GAB2: variants seen among roughly 807,000 people sequenced by gnomAD.
GAB2 encodes GRB2 associated binding protein 2.
A neutral mutation model predicts 65.5 loss-of-function variants in GAB2; 26 were observed. That is an observed-to-expected ratio of 0.40 (90% CI 0.29 to 0.55). GAB2 has a LOEUF of 0.55. GAB2 is among the 20% of genes least tolerant of loss of function. The pLI, the probability that GAB2 is intolerant of heterozygous loss-of-function variation, is 0.53. For synonymous variants in GAB2, 321 were observed against 329.6 expected, an observed-to-expected ratio of 0.97 and a Z score of 0.28; for missense variants, 884 against 875.8, an observed-to-expected ratio of 1.01 and a Z score of -0.12.
At chr11:78,242,524 A>T (rs1045995309) in intron 3 of GAB2, among the ~76,000 whole-genome samples, 2 of 152,058 alleles carry the variant, frequency 1.3e-5, no homozygotes, top group African/African-American at 4.8e-5. Flanking sequence ...AAAGAAAAAG[A>T]ATGAAATTTA....
At chr11:78,275,349 A>G (rs940255413) in intron 2 of GAB2, among the ~76,000 whole-genome samples, 7 of 152,218 alleles carry the variant, frequency 4.6e-5, no homozygotes, top group Non-Finnish European at 7.3e-5. Flanking sequence ...TAAAGGTGAT[A>G]AAGTGATTAA....
chr11:78,245,696 A>C (rs962156499), intron 3 of GAB2, among the ~76,000 whole-genome samples: 6 of 152,214 alleles, frequency 3.9e-5, no homozygotes, highest in Non-Finnish European at 8.8e-5. Context: ...ACGGAAAAAT[A>C]ATCTTTCACA....
intron 1 of GAB2, among the ~76,000 whole-genome samples, chr11:78,334,816 C>A (rs1377124363): frequency 6.6e-6 from 1 of 152,146 alleles, no homozygotes; most frequent in East Asian, 1.9e-4. Context: ...TTTTGAGGAG[C>A]CTCCAAACTG....
chr11:78,329,721 A>T (rs1565162019), intron 1 of GAB2, among the ~76,000 whole-genome samples: 1 of 152,224 alleles, frequency 6.6e-6, no homozygotes, highest in Non-Finnish European at 1.5e-5. Flanking sequence ...GGAAGGTGTT[A>T]TAACTAGAAA....
chr11:78,305,485 G>A (rs1344249981), intron 1 of GAB2, among the ~76,000 whole-genome samples: 1 of 152,188 alleles, frequency 6.6e-6, no homozygotes, highest in Non-Finnish European at 1.5e-5. Flanking sequence ...GGCACAGGGA[G>A]GCTCCAGGTG....
At chr11:78,331,965 G>A (rs1238970632) in intron 1 of GAB2, among the ~76,000 whole-genome samples, 1 of 152,166 alleles carries the variant, frequency 6.6e-6, no homozygotes, top group Non-Finnish European at 1.5e-5. Context: ...ACACACAAAA[G>A]GGCATTTGTG....
chr11:78,334,591 T>C (rs1168549956), intron 1 of GAB2, among the ~76,000 whole-genome samples: 1 of 152,250 alleles, frequency 6.6e-6, no homozygotes, highest in Admixed American at 6.5e-5. Context: ...GAGGATCTCA[T>C]TCTTTTTATG....
chr11:78,407,732 A>AAGAAAG (rs1170590762), intron 1 of GAB2, among the ~76,000 whole-genome samples: 2 of 151,382 alleles, frequency 1.3e-5, no homozygotes, highest in Admixed American at 1.3e-4. Context: ...AAAAGAAAGA[A>AAGAAAG]AGAAAGAAAG....
intron 1 of GAB2, among the ~76,000 whole-genome samples, chr11:78,397,404 G>T (rs566717711): frequency 6.6e-6 from 1 of 152,312 alleles, no homozygotes; most frequent in African/African-American, 2.4e-5. Context: ...ACCATTTTAG[G>T]GGAAGCACAG....
intron 1 of GAB2, among the ~76,000 whole-genome samples, chr11:78,326,086 T>C (rs1480393133): frequency 6.6e-6 from 1 of 152,216 alleles, no homozygotes; most frequent in East Asian, 1.9e-4. Context: ...ATATATACAA[T>C]GTCTTCCCCC....
At chr11:78,360,951 G>C (rs978064688) in intron 1 of GAB2, among the ~76,000 whole-genome samples, 2 of 152,084 alleles carry the variant, frequency 1.3e-5, no homozygotes, top group Admixed American at 6.6e-5. Context: ...AGAAAAACAA[G>C]AATAGCAGAG....
chr11:78,414,082 T>C (rs1857162402), intron 1 of GAB2, among the ~76,000 whole-genome samples: 1 of 126,208 alleles, frequency 7.9e-6, no homozygotes, highest in East Asian at 2.0e-4. Flanking sequence ...AGTGAAACTC[T>C]GTCTCAAAAA....
At chr11:78,404,446 A>ATG (rs1363670181) in intron 1 of GAB2, among the ~76,000 whole-genome samples, 1 of 152,168 alleles carries the variant, frequency 6.6e-6, no homozygotes, top group African/African-American at 2.4e-5. Flanking sequence ...ACTCAGGAGG[A>ATG]TGAGGTGGCA....
chr11:78,377,943 T>C (rs994117383), intron 1 of GAB2, among the ~76,000 whole-genome samples: 1 of 152,144 alleles, frequency 6.6e-6, no homozygotes, highest in African/African-American at 2.4e-5. Context: ...ATGGAGGAAA[T>C]TGCTTTCCAC....
intron 1 of GAB2, among the ~76,000 whole-genome samples, chr11:78,402,347 A>C (rs2135082093): frequency 6.6e-6 from 1 of 152,170 alleles, no homozygotes; most frequent in Middle Eastern, 3.4e-3. Context: ...GCAGTCCCAG[A>C]ACTTGGGCAC....
intron 1 of GAB2, among the ~76,000 whole-genome samples, chr11:78,367,312 T>C (rs1336751389): frequency 1.3e-5 from 2 of 152,204 alleles, no homozygotes; most frequent in Admixed American, 6.5e-5. Context: ...GCATATGGTC[T>C]GGAAGTGTAA....
chr11:78,234,470 TC>T (rs1274861905), intron 3 of GAB2, among the ~76,000 whole-genome samples: 1 of 151,988 alleles, frequency 6.6e-6, no homozygotes, highest in Non-Finnish European at 1.5e-5. Flanking sequence ...GGGTTGCTGT[TC>T]TTTTTTTATT....
chr11:78,285,787 A>C (rs192786582), intron 1 of GAB2, among the ~76,000 whole-genome samples: 7 of 152,296 alleles, frequency 4.6e-5, no homozygotes, highest in Non-Finnish European at 8.8e-5. Context: ...TTAAAAAGCC[A>C]AACAATTCAG....
intron 1 of GAB2, among the ~76,000 whole-genome samples, chr11:78,312,921 C>T (rs887274510): frequency 3.3e-5 from 5 of 152,124 alleles, no homozygotes; most frequent in Non-Finnish European, 5.9e-5. Flanking sequence ...CCTCAACTCC[C>T]ATCAAGGGTG....
Sources: gnomAD v4.1 joint callset for allele counts (sites outside exome capture counted in the v4.1 genomes callset) on GRCh38, gnomAD v4.1.1 for gene constraint, MANE v1.5 for transcripts, NCBI Gene and HGNC (gene_info 2026-07-23, HGNC 2026-07-21) for gene names.